The following KSR1 variants were observed in gnomAD, a reference collection of about 807,000 sequenced individuals.
KSR1 encodes kinase suppressor of ras 1, also known as kinase suppressor of ras.
In KSR1, 35 loss-of-function variants were observed where a neutral mutation model predicts 92.9. The ratio of observed to expected loss-of-function variants is 0.38; its 90% CI spans 0.29 to 0.50. The LOEUF (loss-of-function observed/expected upper bound fraction) is 0.50. Among genes scored for constraint, KSR1 ranks in the 20% least tolerant of loss-of-function variants. The pLI is 0.94. For synonymous variants in KSR1, 467 were observed against 472.6 expected (o/e 0.99, Z 0.15); for missense variants, 972 against 1,158.5 (o/e 0.84, Z 2.34).
intron 4 of KSR1, 92 bp from the exon 5 acceptor site, chr17:27,585,565 C>A: frequency 1.4e-6 from 1 of 720,496 alleles, no homozygotes; most frequent in South Asian, 1.5e-5. Context: ...CGTCCCAGCC[C>A]CTTGCCTGCT....
intron 18 of KSR1, among the ~76,000 whole-genome samples, chr17:27,614,416 AAC>A (rs1455191230): frequency 6.6e-6 from 1 of 152,216 alleles, no homozygotes; most frequent in Admixed American, 6.5e-5. Flanking sequence ...CCCTCCTGGC[AAC>A]AGTTTGTTTC....
intron 5 of KSR1, chr17:27,587,720 A>G (rs914937236): frequency 1.3e-5 from 2 of 152,316 alleles, no homozygotes; most frequent in African/African-American, 4.8e-5. Flanking sequence ...GAGTGCTTCC[A>G]GCAGCTTGTC....
chr17:27,479,695 G>A (rs2068455469), intron 1 of KSR1, among the ~76,000 whole-genome samples: 1 of 152,132 alleles, frequency 6.6e-6, no homozygotes. Flanking sequence ...CCAGGGAGTG[G>A]GTAGGTTCTG....
chr17:27,519,374 A>C (rs1160729565), intron 1 of KSR1, among the ~76,000 whole-genome samples: 1 of 152,098 alleles, frequency 6.6e-6, no homozygotes, highest in Non-Finnish European at 1.5e-5. Flanking sequence ...CAGGGGTGGG[A>C]GGACAGGAAA....
chr17:27,484,143 T>G (rs1014053638), intron 1 of KSR1, among the ~76,000 whole-genome samples: 3 of 152,190 alleles, frequency 2.0e-5, no homozygotes, highest in Non-Finnish European at 4.4e-5. Flanking sequence ...CCTTGGTCAG[T>G]CCCAGTGTTG....
chr17:27,608,918 A>T (rs1176508325), intron 15 of KSR1, among the ~76,000 whole-genome samples: 2 of 152,022 alleles, frequency 1.3e-5, no homozygotes, highest in Admixed American at 6.6e-5. Flanking sequence ...CACACCTCCT[A>T]CCTTAGCCAA....
At chr17:27,590,726 C>T in intron 6 of KSR1, 85 bp from the exon 7 acceptor site, 1 of 1,293,548 alleles carries the variant, frequency 7.7e-7, no homozygotes, top group Non-Finnish European at 1.1e-6. Flanking sequence ...CTCCCAGTTG[C>T]CCTGGAGCTC....
chr17:27,490,244 G>A (rs138090806), intron 1 of KSR1, among the ~76,000 whole-genome samples: 12 of 152,316 alleles, frequency 7.9e-5, no homozygotes, highest in African/African-American at 2.9e-4. Flanking sequence ...TAAATGTTAT[G>A]TAAATGCTAG....
chr17:27,621,180 T>C lies in KSR1; in HGVS notation c.2628-13T>C, dbSNP rs2074213495. 1.0e-5 allele frequency: 4 copies of C among 398,678 alleles called. No individual in the cohort carries two copies. The highest frequency in any genetic ancestry group is 1.8e-5 in the Non-Finnish European group (4 of 226,102). The allele number at this position is 398,678 out of a possible 1,614,324, so 24.7% of individuals were successfully genotyped here. A position where few individuals can be genotyped will look rare whatever the true frequency, so the allele number is the denominator to read the frequency against. ...TTCCCACGCCTGGTGGAATGGTCGC[T>C]GGGCACTCCCAGTCGCTGGAGGAGC... On this transcript the variant is annotated splice_polypyrimidine_tract_variant and intron_variant, in intron 19 of 20. Coordinates refer to ENST00000644974, the MANE Select transcript of KSR1 (RefSeq NM_001394583.1).
intron 15 of KSR1, among the ~76,000 whole-genome samples, chr17:27,608,860 T>G (rs1446505089): frequency 1.3e-5 from 2 of 152,192 alleles, no homozygotes; most frequent in Admixed American, 1.3e-4. Context: ...TGTACACTGA[T>G]AAATCTCACT....
At chr17:27,615,449 G>A (rs575969792) in intron 18 of KSR1, among the ~76,000 whole-genome samples, 4 of 152,200 alleles carry the variant, frequency 2.6e-5, no homozygotes, top group African/African-American at 9.7e-5. Flanking sequence ...TTGGACCATG[G>A]CTTTCTTGTG....
intron 11 of KSR1, among the ~76,000 whole-genome samples, chr17:27,601,713 G>A (rs545018213): frequency 2.0e-5 from 3 of 152,344 alleles, no homozygotes; most frequent in Admixed American, 6.5e-5. Flanking sequence ...TAGAATCTGG[G>A]TTTATAGAAT....
intron 1 of KSR1, among the ~76,000 whole-genome samples, chr17:27,484,770 A>G (rs72847749): frequency 0.09 from 13,727 of 152,240 alleles, 829 homozygotes; most frequent in Non-Finnish European, 0.13. Flanking sequence ...GAGGAGCCGA[A>G]GCTTGAACCT....
At chr17:27,600,702 A>G (rs1386395160) in intron 10 of KSR1, among the ~76,000 whole-genome samples, 3 of 152,178 alleles carry the variant, frequency 2.0e-5, no homozygotes, top group African/African-American at 7.2e-5. Context: ...TTCCCACTCC[A>G]TTATAATTAG....
At chr17:27,619,680 A>G (rs1373195742) in intron 19 of KSR1, among the ~76,000 whole-genome samples, 1 of 150,830 alleles carries the variant, frequency 6.6e-6, no homozygotes, top group Non-Finnish European at 1.5e-5. Context: ...TACAGTCGTG[A>G]GCCACTGCAC....
At chr17:27,582,518 A>T in intron 3 of KSR1, 128 bp from the exon 4 acceptor site, 1 of 788,642 alleles carries the variant, frequency 1.3e-6, no homozygotes, top group Non-Finnish European at 2.0e-6. Flanking sequence ...AAAGGTTGGT[A>T]GTTGAAGCCT....
chr17:27,526,094 T>TTCTATCTCTCTC, intron 1 of KSR1, among the ~76,000 whole-genome samples: 1 of 118,402 alleles, frequency 8.4e-6, no homozygotes. Flanking sequence ...CTTTCTTTCT[T>TTCTATCTCTCTC]TCTCTCTCTC....
chr17:27,564,690 C>G (rs1289411660), intron 2 of KSR1, among the ~76,000 whole-genome samples: 8 of 151,792 alleles, frequency 5.3e-5, no homozygotes, highest in African/African-American at 1.5e-4. Context: ...TTGGCTTTGA[C>G]CACATGTTCA....
chr17:27,578,147 C>A (rs77214757), intron 3 of KSR1: 1 of 176,954 alleles, frequency 5.7e-6, no homozygotes, highest in Non-Finnish European at 1.2e-5. Context: ...CCACGAGGTC[C>A]TTGGGAATTA....
Sources: allele counts gnomAD v4.1 joint callset (sites outside exome capture counted in the v4.1 genomes callset), GRCh38; gene constraint gnomAD v4.1.1; transcripts MANE v1.5; gene names NCBI Gene and HGNC (gene_info 2026-07-23, HGNC 2026-07-21).